NDUFA10: variants seen among roughly 807,000 people sequenced by gnomAD.
NDUFA10 encodes the protein NADH:ubiquinone oxidoreductase subunit A10.
Under a neutral mutation model 47.8 loss-of-function variants are expected in NDUFA10, and 40 were observed. The observed-to-expected ratio is 0.84, with a 90% CI of 0.65 to 1.09. NDUFA10 has a LOEUF of 1.09. Ranked by LOEUF, NDUFA10 falls within the 50% of genes least tolerant of loss-of-function variation. NDUFA10 has a pLI of 0.00. For missense variants in NDUFA10, 413 were observed against 451.1 expected (o/e 0.92, Z 0.76); for synonymous variants, 183 against 172.2 (o/e 1.06, Z -0.49).
At chr2:239,995,204 G>A (rs1279614473) in intron 8 of NDUFA10, among the ~76,000 whole-genome samples, 2 of 152,124 alleles carry the variant, frequency 1.3e-5, no homozygotes. Context: ...AACCCAGGAA[G>A]GGGAGGCTGC....
intron 4 of NDUFA10, among the ~76,000 whole-genome samples, chr2:239,914,266 TACAC>T (rs1693802217): frequency 7.5e-6 from 1 of 133,246 alleles, no homozygotes; most frequent in African/African-American, 2.9e-5. Context: ...CACATATACA[TACAC>T]AGACACACAC....
chr2:240,000,260 G>A (rs1163321080), intron 8 of NDUFA10, among the ~76,000 whole-genome samples: 1 of 152,056 alleles, frequency 6.6e-6, no homozygotes, highest in Non-Finnish European at 1.5e-5. Flanking sequence ...CATTGTCACA[G>A]GAGGTGACAG....
At chr2:240,021,745 A>T (rs887418216) in intron 2 of NDUFA10, among the ~76,000 whole-genome samples, 2 of 152,200 alleles carry the variant, frequency 1.3e-5, no homozygotes, top group African/African-American at 4.8e-5. Flanking sequence ...ACTCAGCTGC[A>T]CCAGGAGTCA....
chr2:239,928,323 C>G lies in NDUFA10; in HGVS notation c.295-33009G>C, dbSNP rs1362893813. Among the ~76,000 whole-genome samples, 1 of 152,112 alleles carries G rather than the reference C, an allele frequency of 6.6e-6. No homozygotes were observed. Among genetic ancestry groups the G allele is most frequent in the Non-Finnish European group, 1.5e-5 (1 of 68,028 alleles). On this transcript the variant is annotated intron_variant, in intron 4 of 5. Coordinates refer to the NDUFA10 transcript ENST00000419408. The surrounding 1 kb of genome is among the most constrained non-coding windows in gnomAD (Gnocchi z 4.3). ...CAAGAAATAAAGGAGCACATGAATT[C>G]CATGAATCATGACTAAAGAAAAGAA...
rs1286724337 is a variant in NDUFA10, at chr2:240,007,344, G to A, written c.776C>T (p.Ser259Phe). 6.3e-7 allele frequency: 1 copy of A among 1,596,800 alleles called. No homozygotes were observed. The highest frequency in any genetic ancestry group is 2.2e-5 in the East Asian group (1 of 44,786). ...MSEKCEVLQY[S>F]AREAQDSKKV... ...TTTTGAATCTTGAGCTTCCCTTGCA[G>A]AATATTGTAAAACCTCACATTTTTC... Residue 259 changes from serine (S) to phenylalanine (F), a missense_variant, in exon 7 of 10, where the codon TCT becomes TTT. Physicochemically the swap from Ser to Phe is radical, Grantham distance 155. Coordinates refer to ENST00000252711, the MANE Select transcript of NDUFA10 (RefSeq NM_004544.4).
rs1192709191 is a variant in NDUFA10 at position 239,906,439 on chromosome 2, C to T, written c.295-11125G>A. ...CAGAGCAACAAGGGCTCCTGAAGCA[C>T]CCCAGGCCTTGAGAACACCAGACGG... On this transcript the variant is annotated intron_variant, in intron 4 of 5. Coordinates refer to the NDUFA10 transcript ENST00000419408. The surrounding 1 kb of genome is among the most constrained non-coding windows in gnomAD (Gnocchi z 4.3). 3.3e-5 allele frequency among the ~76,000 whole-genome samples: 5 copies of T among 152,144 alleles called. No individual in the cohort carries two copies. Among genetic ancestry groups the T allele is most frequent in the Non-Finnish European group, 7.4e-5 (5 of 68,026 alleles).
intron 4 of NDUFA10, among the ~76,000 whole-genome samples, chr2:239,932,567 A>T (rs1251003887): frequency 6.6e-6 from 1 of 151,816 alleles, no homozygotes; most frequent in Non-Finnish European, 1.5e-5. Context: ...CAAAAGTGAA[A>T]CTCTCTGGTC....
intron 4 of NDUFA10, among the ~76,000 whole-genome samples, chr2:239,949,760 G>A (rs1694521170): frequency 6.6e-6 from 1 of 152,184 alleles, no homozygotes; most frequent in Non-Finnish European, 1.5e-5. Flanking sequence ...CGGATTACAG[G>A]CGCGAGCCAC....
At chr2:239,997,373 A>C (rs1696522813) in intron 8 of NDUFA10, among the ~76,000 whole-genome samples, 1 of 152,250 alleles carries the variant, frequency 6.6e-6, no homozygotes, top group South Asian at 2.1e-4. Flanking sequence ...ATAGCCAATA[A>C]AAATATAAAT....
downstream of NDUFA10, among the ~76,000 whole-genome samples, chr2:239,953,397 T>A (rs185590921): frequency 3.9e-5 from 6 of 152,290 alleles, no homozygotes; most frequent in East Asian, 1.2e-3. Context: ...GGATAATAGA[T>A]CTGTGCTGCT....
intron 9 of NDUFA10, among the ~76,000 whole-genome samples, chr2:239,985,599 G>A (rs148179067): frequency 1.2e-3 from 182 of 152,232 alleles, no homozygotes; most frequent in African/African-American, 4.1e-3. Context: ...TATGGCAAGA[G>A]TAATACAGAC....
Position 239,933,040 on chromosome 2 carries a change from T to C in NDUFA10, c.295-37726A>G, listed in dbSNP as rs111598572. Among the ~76,000 whole-genome samples the C allele has an allele frequency of 9.1e-3, 1,378 of 152,146 alleles. 22 individuals are homozygous for C. Among genetic ancestry groups the C allele is most frequent in the African/African-American group, 0.031 (1,273 of 41,506 alleles). On this transcript the variant is annotated intron_variant, in intron 4 of 5. Coordinates refer to the NDUFA10 transcript ENST00000419408. ...ACGGCAGCCCGTGTAGGTTGTGGTCTGTCTCCCGTGGCAGGGCCTGGGATG... is the reference window on the plus strand; with the variant it reads ...ACGGCAGCCCGTGTAGGTTGTGGTCCGTCTCCCGTGGCAGGGCCTGGGATG...
intron 8 of NDUFA10, among the ~76,000 whole-genome samples, chr2:239,998,419 T>C (rs1340164804): frequency 1.3e-5 from 2 of 152,212 alleles, no homozygotes; most frequent in Non-Finnish European, 2.9e-5. Context: ...GCCTGAAGTT[T>C]TTCTGCCAAA....
chr2:239,912,898 G>A (rs28529203), intron 4 of NDUFA10, among the ~76,000 whole-genome samples: 29,113 of 152,120 alleles, frequency 0.19, 3,289 homozygotes, highest in African/African-American at 0.31. Context: ...CTGATCTTCC[G>A]ATTCCCGAGT....
At chr2:239,967,648 A>G (rs1374892225) in intron 9 of NDUFA10, among the ~76,000 whole-genome samples, 1 of 152,230 alleles carries the variant, frequency 6.6e-6, no homozygotes, top group East Asian at 1.9e-4. Flanking sequence ...AAGTGCCTAC[A>G]GGTGCCAGGT....
At chr2:240,023,320 A>C (rs556517185) in intron 1 of NDUFA10, among the ~76,000 whole-genome samples, 3 of 152,298 alleles carry the variant, frequency 2.0e-5, no homozygotes, top group African/African-American at 7.2e-5. Flanking sequence ...GCCAAAAACC[A>C]CATGAAAAAG....
chr2:240,020,867 C>T (rs1697591474), intron 3 of NDUFA10, among the ~76,000 whole-genome samples: 1 of 152,188 alleles, frequency 6.6e-6, no homozygotes, highest in Non-Finnish European at 1.5e-5. Context: ...GATCCCGTTT[C>T]CTCCTGGACA....
intron 4 of NDUFA10, among the ~76,000 whole-genome samples, chr2:239,939,988 G>A (rs535747357): frequency 1.3e-5 from 2 of 152,344 alleles, no homozygotes; most frequent in South Asian, 4.1e-4. Flanking sequence ...CCCGGGGAAG[G>A]GTCATGTCTT....
rs13396556 is a variant in NDUFA10, at chr2:239,960,680, G to A, written c.*438C>T. Reference sequence around the variant, plus strand: ...CACACCAAACAGGGCCCAGAGCAGCGTGTGTGCACGTGTGCAGTTTCGACG... The same window carrying A: ...CACACCAAACAGGGCCCAGAGCAGCATGTGTGCACGTGTGCAGTTTCGACG... On this transcript the variant is annotated 3_prime_UTR_variant, in exon 10 of 10. Coordinates refer to ENST00000252711, the MANE Select transcript of NDUFA10 (RefSeq NM_004544.4). 0.12 allele frequency: 136,684 copies of A among 1,120,670 alleles called. 8,584 individuals are homozygous for A. The highest frequency in any genetic ancestry group is 0.19 in the East Asian group (3,040 of 16,294). The allele number at this position is 1,120,670 out of a possible 1,614,324, so 69.4% of individuals were successfully genotyped here.
Sources: allele counts gnomAD v4.1 joint callset (sites outside exome capture counted in the v4.1 genomes callset), GRCh38; gene constraint gnomAD v4.1.1; non-coding constraint Gnocchi (gnomAD v3.1); transcripts MANE v1.5; gene names NCBI Gene and HGNC (gene_info 2026-07-23, HGNC 2026-07-21).